The following DCC variants were observed in gnomAD, a reference collection of about 807,000 sequenced individuals.
The protein encoded by DCC is DCC netrin 1 receptor, also known as netrin receptor DCC.
A neutral mutation model predicts 172.5 loss-of-function variants in DCC; 58 were observed. The observed-to-expected ratio is 0.34, with a 90% CI of 0.27 to 0.42. The LOEUF is 0.42. Ranked by LOEUF, DCC falls within the 10% of genes least tolerant of loss-of-function variation. The probability of loss-of-function intolerance (pLI) is 1.00; values close to 1 mark genes in which losing one functional copy is unlikely to be tolerated. For synonymous variants in DCC, 709 were observed against 644.5 expected (o/e 1.10, Z -1.52); for missense variants, 1,740 against 1,791.0 (o/e 0.97, Z 0.51).
chr18:53,026,868 C>T (rs1329606928), intron 5 of DCC, among the ~76,000 whole-genome samples: 4 of 151,992 alleles, frequency 2.6e-5, no homozygotes, highest in Non-Finnish European at 5.9e-5. Context: ...GGCCTGACCC[C>T]CTCTTTCTTT....
At chr18:53,233,632 A>G (rs1428410155) in intron 12 of DCC, among the ~76,000 whole-genome samples, 1 of 152,200 alleles carries the variant, frequency 6.6e-6, no homozygotes, top group African/African-American at 2.4e-5. Context: ...CTGCTAAACT[A>G]TAATCTGATT....
At chr18:53,512,780 T>G (rs28865684) in intron 27 of DCC, among the ~76,000 whole-genome samples, 18,502 of 143,546 alleles carry the variant, frequency 0.13, 2,846 homozygotes, top group African/African-American at 0.39. Context: ...AAAAAGAAAT[T>G]AGCAAAGCCT....
rs1286114226 is a variant in DCC, at chr18:52,497,338, C to T, written c.91+156460C>T. On this transcript the variant is annotated intron_variant, in intron 1 of 28. Transcript: ENST00000442544. ...ATACACACACACATATATATACACA[C>T]GTATGCATATATATATACACACATA... Among the ~76,000 whole-genome samples, 9 of 16,242 alleles carry T rather than the reference C, an allele frequency of 5.5e-4. 2 individuals are homozygous for T. In the East Asian group the frequency reaches 8.4e-3, roughly 15 times the overall value. 10.7% of individuals were successfully genotyped at this position (16,242 alleles called of 152,430 possible). A position where few individuals can be genotyped will look rare whatever the true frequency, so the allele number is the denominator to read the frequency against.
At chr18:52,951,592 G>T (rs2040648687) in intron 5 of DCC, among the ~76,000 whole-genome samples, 1 of 152,104 alleles carries the variant, frequency 6.6e-6, no homozygotes, top group Non-Finnish European at 1.5e-5. Flanking sequence ...CTTCATCCAT[G>T]TCCCTGCAAA....
intron 15 of DCC, among the ~76,000 whole-genome samples, chr18:53,356,520 C>T (rs1023935926): frequency 1.3e-5 from 2 of 152,106 alleles, no homozygotes; most frequent in Admixed American, 6.6e-5. Flanking sequence ...TACTAGAGTA[C>T]TGGGGATAGT....
At chr18:52,599,953 C>A (rs918851509) in intron 1 of DCC, among the ~76,000 whole-genome samples, 2 of 152,158 alleles carry the variant, frequency 1.3e-5, no homozygotes, top group African/African-American at 2.4e-5. Flanking sequence ...TCTCTGGGAA[C>A]CATGCCATCC....
At chr18:53,190,217 T>G (rs1028997169) in intron 9 of DCC, among the ~76,000 whole-genome samples, 3 of 152,110 alleles carry the variant, frequency 2.0e-5, no homozygotes, top group African/African-American at 7.2e-5. Context: ...TGAGCCGACA[T>G]GTCTGGCCAG....
At chr18:52,587,877 G>A (rs1363729192) in intron 1 of DCC, among the ~76,000 whole-genome samples, 1 of 152,200 alleles carries the variant, frequency 6.6e-6, no homozygotes, top group Non-Finnish European at 1.5e-5. Context: ...GGATGAGAAG[G>A]TAGGGTGGCA....
At chr18:52,534,654 A>C (rs959369420) in intron 1 of DCC, among the ~76,000 whole-genome samples, 3 of 152,206 alleles carry the variant, frequency 2.0e-5, no homozygotes, top group Non-Finnish European at 4.4e-5. Flanking sequence ...GCAATGATTT[A>C]ATACCACCTT....
chr18:53,397,598 A>G (rs1909036553), intron 18 of DCC, 152 bp downstream of exon 18: 3 of 824,538 alleles, frequency 3.6e-6, no homozygotes, highest in Admixed American at 4.5e-5. Flanking sequence ...TTTATATCTA[A>G]GAGTATTCTC....
intron 11 of DCC, among the ~76,000 whole-genome samples, chr18:53,211,490 C>T (rs1189297290): frequency 6.6e-6 from 1 of 152,142 alleles, no homozygotes; most frequent in Non-Finnish European, 1.5e-5. Context: ...GTGGGAGGCC[C>T]AGGCGGGCAG....
intron 21 of DCC, among the ~76,000 whole-genome samples, chr18:53,427,653 C>G (rs1429094943): frequency 1.3e-5 from 2 of 150,744 alleles, no homozygotes; most frequent in African/African-American, 4.9e-5. Flanking sequence ...TAACTACTTT[C>G]CTGTTAACAA....
Position 53,179,133 on chromosome 18 carries a change from A to G in DCC, c.1573+17A>G, listed in dbSNP as rs1482059703. The G allele has an allele frequency of 6.2e-7, 1 of 1,611,454 alleles. No individual in the cohort carries two copies. The highest frequency in any genetic ancestry group is 2.2e-5 in the East Asian group (1 of 44,842). On this transcript the variant is annotated intron_variant, in intron 9 of 28. Coordinates refer to ENST00000442544, the MANE Select transcript of DCC (RefSeq NM_005215.4). ...AGCCTGAGTGTGAGTATGAAAAGGA[A>G]CGGGCCACATTTAAAAAGTATTTAT...
chr18:52,802,526 G>C (rs770823180), intron 2 of DCC, among the ~76,000 whole-genome samples: 18 of 149,724 alleles, frequency 1.2e-4, no homozygotes, highest in African/African-American at 4.4e-4. Flanking sequence ...CCAGGCTGCA[G>C]GGCAGTGGCA....
chr18:52,844,462 C>T (rs1407547155), intron 2 of DCC, among the ~76,000 whole-genome samples: 2 of 152,176 alleles, frequency 1.3e-5, no homozygotes, highest in African/African-American at 2.4e-5. Context: ...ATGTTTTCCA[C>T]ACACATAGTA....
intron 18 of DCC, among the ~76,000 whole-genome samples, chr18:53,398,764 A>G (rs1372783642): frequency 2.0e-5 from 3 of 152,280 alleles, no homozygotes; most frequent in Admixed American, 6.5e-5. Flanking sequence ...TAGGGACACC[A>G]GTGGTGAGAC....
At chr18:52,729,333 C>T (rs2036599987) in intron 1 of DCC, among the ~76,000 whole-genome samples, 1 of 152,278 alleles carries the variant, frequency 6.6e-6, no homozygotes, top group Non-Finnish European at 1.5e-5. Flanking sequence ...AATCTCGGCT[C>T]ATTGCAACCT....
chr18:52,632,227 TA>T lies in DCC; in HGVS notation c.92-119825del, dbSNP rs532984645. 6.9e-3 allele frequency among the ~76,000 whole-genome samples: 1,046 copies of T among 152,322 alleles called. 7 individuals are homozygous for T. Among genetic ancestry groups the T allele is most frequent in the African/African-American group, 0.024 (1,004 of 41,570 alleles). On this transcript the variant is annotated intron_variant, in intron 1 of 28. Coordinates refer to ENST00000442544, the MANE Select transcript of DCC (RefSeq NM_005215.4). Reference sequence around the variant, plus strand: ...TGAATGAGTTAGGAATGAAGTATAATAATGAATAATTCATTCCTATTTCTTC... The same window carrying T: ...TGAATGAGTTAGGAATGAAGTATAATATGAATAATTCATTCCTATTTCTTC...
chr18:53,069,816 C>T (rs2042628070), intron 7 of DCC, among the ~76,000 whole-genome samples: 1 of 151,698 alleles, frequency 6.6e-6, no homozygotes, highest in Non-Finnish European at 1.5e-5. Flanking sequence ...CTGCCCCCTT[C>T]CCTATTTACA....
Sources: allele counts gnomAD v4.1 joint callset (sites outside exome capture counted in the v4.1 genomes callset), GRCh38; gene constraint gnomAD v4.1.1; transcripts MANE v1.5; gene names NCBI Gene and HGNC (gene_info 2026-07-23, HGNC 2026-07-21).